The following UBTD2 variants were observed in gnomAD, a reference collection of about 807,000 sequenced individuals.
UBTD2 encodes the protein ubiquitin domain containing 2.
A neutral mutation model predicts 19.8 loss-of-function variants in UBTD2; 9 were observed. The ratio of observed to expected loss-of-function variants is 0.46; its 90% CI spans 0.27 to 0.79. The LOEUF (loss-of-function observed/expected upper bound fraction) is 0.79, where lower values mean the gene tolerates loss of function less well. Ranked by LOEUF, UBTD2 falls within the 30% of genes least tolerant of loss-of-function variation. The probability of loss-of-function intolerance (pLI) is 0.14; values close to 1 mark genes in which losing one functional copy is unlikely to be tolerated. For synonymous variants in UBTD2, 98 were observed against 103.9 expected, an observed-to-expected ratio of 0.94 and a Z score of 0.35; for missense variants, 250 against 300.4, an observed-to-expected ratio of 0.83 and a Z score of 1.24.
intron 1 of UBTD2, among the ~76,000 whole-genome samples, chr5:172,265,924 ATTG>A (rs1755369755): frequency 7.5e-6 from 1 of 133,618 alleles, no homozygotes; most frequent in Admixed American, 7.7e-5. Flanking sequence ...AACACCACCC[ATTG>A]TTTTTTTTTT....
chr5:172,249,013 C>T (rs1350820968), intron 1 of UBTD2, among the ~76,000 whole-genome samples: 2 of 152,138 alleles, frequency 1.3e-5, no homozygotes, highest in South Asian at 2.1e-4. Context: ...AATAGAAAGA[C>T]TTTTAGCTAG....
chr5:172,247,024 G>A (rs13180565), intron 1 of UBTD2, among the ~76,000 whole-genome samples: 11,303 of 151,878 alleles, frequency 0.074, 453 homozygotes, highest in South Asian at 0.12. Flanking sequence ...AAAGTGCTGG[G>A]ATTACAAGCA....
At chr5:172,244,595 G>C (rs1436446864) in intron 1 of UBTD2, among the ~76,000 whole-genome samples, 1 of 151,908 alleles carries the variant, frequency 6.6e-6, no homozygotes, top group Non-Finnish European at 1.5e-5. Flanking sequence ...ACTGCGCCCG[G>C]CCCCTCCCAG....
At chr5:172,239,934 A>G (rs1772093292) in intron 1 of UBTD2, among the ~76,000 whole-genome samples, 1 of 152,174 alleles carries the variant, frequency 6.6e-6, no homozygotes, top group African/African-American at 2.4e-5. Flanking sequence ...AGAAGACAGC[A>G]ACAACAAAGC....
intron 1 of UBTD2, chr5:172,254,536 A>G (rs1027054025): frequency 2.9e-5 from 17 of 592,926 alleles, no homozygotes; most frequent in South Asian, 5.8e-5. Flanking sequence ...CATCCTTCCC[A>G]TGTACATTTG....
At chr5:172,215,841 G>A (rs960796540) in intron 2 of UBTD2, among the ~76,000 whole-genome samples, 2 of 152,178 alleles carry the variant, frequency 1.3e-5, no homozygotes, top group Non-Finnish European at 2.9e-5. Flanking sequence ...CACGAATGAG[G>A]AAGGAATATC....
intron 1 of UBTD2, among the ~76,000 whole-genome samples, chr5:172,262,660 A>T (rs1045536065): frequency 6.7e-6 from 1 of 149,352 alleles, no homozygotes; most frequent in South Asian, 2.1e-4. Flanking sequence ...AAGAATACAA[A>T]AAAAATTAGC....
At chr5:172,215,573 C>A (rs984688841) in intron 2 of UBTD2, among the ~76,000 whole-genome samples, 20 of 151,806 alleles carry the variant, frequency 1.3e-4, no homozygotes, top group Admixed American at 1.1e-3. Flanking sequence ...TACCAAAAGG[C>A]AAAAAAACAG....
Position 172,283,667 on chromosome 5 carries a change from G to A in UBTD2, c.-2C>T. ...CTGGGCGCCCACACACCCGCCCATG[G>A]GGGCCCCCGGCGCCTCGTCCGCCAC... On this transcript the variant is annotated 5_prime_UTR_variant, in exon 1 of 3. Transcript: ENST00000393792. The surrounding 1 kb of genome is among the most constrained non-coding windows in gnomAD (Gnocchi z 4.3). The A allele has an allele frequency of 8.1e-7, 1 of 1,237,864 alleles. No individual in the cohort carries two copies. Among genetic ancestry groups the A allele is most frequent in the Non-Finnish European group, 1.0e-6 (1 of 987,014 alleles). 76.7% of individuals were successfully genotyped at this position (1,237,864 alleles called of 1,614,324 possible).
chr5:172,217,532 A>G (rs377223192), intron 2 of UBTD2, among the ~76,000 whole-genome samples: 287 of 152,216 alleles, frequency 1.9e-3, no homozygotes, highest in South Asian at 6.4e-3. Flanking sequence ...CACCTAGACT[A>G]TAATACACTG....
intron 1 of UBTD2, among the ~76,000 whole-genome samples, chr5:172,238,925 G>A (rs533522818): frequency 4.3e-4 from 65 of 152,220 alleles, no homozygotes; most frequent in Middle Eastern, 3.4e-3. Context: ...AGACAATAGC[G>A]TGAGGGGAAA....
At chr5:172,225,394 G>A (rs930854554) in intron 2 of UBTD2, among the ~76,000 whole-genome samples, 6 of 152,224 alleles carry the variant, frequency 3.9e-5, no homozygotes, top group African/African-American at 1.4e-4. Context: ...AAATAAGAAC[G>A]ATAAAACTAA....
Position 172,211,680 on chromosome 5 carries a change from T to C in UBTD2, c.*150A>G, listed in dbSNP as rs1771449673. 1 of 813,160 alleles carries C rather than the reference T, an allele frequency of 1.2e-6. No individual in the cohort carries two copies. The highest frequency in any genetic ancestry group is 1.8e-6 in the Non-Finnish European group (1 of 570,576). The allele number at this position is 813,160 out of a possible 1,614,324, so 50.4% of individuals were successfully genotyped here. A position where few individuals can be genotyped will look rare whatever the true frequency, so the allele number is the denominator to read the frequency against. ...TATTTTTGTTGGTCTCCATCACAGA[T>C]GGAATTTTTCACTGGTAATTCCTCA... On this transcript the variant is annotated 3_prime_UTR_variant, in exon 3 of 3. Coordinates refer to ENST00000393792, the MANE Select transcript of UBTD2 (RefSeq NM_152277.3).
At chr5:172,232,690 C>T (rs1239456676) in intron 2 of UBTD2, among the ~76,000 whole-genome samples, 1 of 151,866 alleles carries the variant, frequency 6.6e-6, no homozygotes, top group Non-Finnish European at 1.5e-5. Context: ...TGAGACCATG[C>T]CTCTCCAAAA....
chr5:172,282,912 A>G (rs948345971), intron 1 of UBTD2, among the ~76,000 whole-genome samples: 1 of 152,090 alleles, frequency 6.6e-6, no homozygotes, highest in African/African-American at 2.4e-5. Flanking sequence ...TTTTCCTTCT[A>G]CGTAAGACAG....
intron 2 of UBTD2, among the ~76,000 whole-genome samples, chr5:172,232,391 T>C (rs527849939): frequency 6.6e-6 from 1 of 151,694 alleles, no homozygotes. Flanking sequence ...GGATCACTTT[T>C]ATACATGTAT....
chr5:172,231,275 C>A (rs1309942569), intron 2 of UBTD2, among the ~76,000 whole-genome samples: 1 of 152,130 alleles, frequency 6.6e-6, no homozygotes, highest in Non-Finnish European at 1.5e-5. Flanking sequence ...AGAAGTCAAT[C>A]AAGGGCATCA....
At chr5:172,238,914 A>T (rs1282105985) in intron 1 of UBTD2, among the ~76,000 whole-genome samples, 1 of 152,212 alleles carries the variant, frequency 6.6e-6, no homozygotes, top group Non-Finnish European at 1.5e-5. Context: ...CAGTTTCCAT[A>T]AGACAATAGC....
chr5:172,277,595 A>G (rs1418575151), intron 1 of UBTD2, among the ~76,000 whole-genome samples: 1 of 151,968 alleles, frequency 6.6e-6, no homozygotes, highest in Non-Finnish European at 1.5e-5. Flanking sequence ...GGTCCCAGTT[A>G]CTCAGGAGGC....
Sources: allele counts gnomAD v4.1 joint callset (sites outside exome capture counted in the v4.1 genomes callset), GRCh38; gene constraint gnomAD v4.1.1; non-coding constraint Gnocchi (gnomAD v3.1); transcripts MANE v1.5; gene names NCBI Gene and HGNC (gene_info 2026-07-23, HGNC 2026-07-21).